ELOVL2: variants seen among roughly 807,000 people sequenced by gnomAD.
ELOVL2 encodes very long chain fatty acid elongase 2.
A neutral mutation model predicts 37.7 loss-of-function variants in ELOVL2; 38 were observed. That is an observed-to-expected ratio of 1.01 (90% CI 0.78 to 1.32). The LOEUF is 1.32. Among genes scored for constraint, ELOVL2 ranks in the 40% most tolerant of loss-of-function variants. The probability of loss-of-function intolerance (pLI) is 0.00; values close to 1 mark genes in which losing one functional copy is unlikely to be tolerated. For synonymous variants in ELOVL2, 115 were observed against 122.3 expected (o/e 0.94, Z 0.40); for missense variants, 352 against 363.6 (o/e 0.97, Z 0.26).
intron 5 of ELOVL2, among the ~76,000 whole-genome samples, chr6:10,993,648 G>C (rs1782205693): frequency 6.6e-6 from 1 of 152,014 alleles, no homozygotes; most frequent in Non-Finnish European, 1.5e-5. Flanking sequence ...AGAGTATATT[G>C]CTTTGGTTGA....
At chr6:11,023,977 T>C (rs985126158) in intron 1 of ELOVL2, among the ~76,000 whole-genome samples, 1 of 152,196 alleles carries the variant, frequency 6.6e-6, no homozygotes, top group Non-Finnish European at 1.5e-5. Flanking sequence ...AGTTTAAGCA[T>C]CTTCTAGGAT....
intron 1 of ELOVL2, among the ~76,000 whole-genome samples, chr6:11,018,578 C>T (rs943386218): frequency 5.9e-5 from 9 of 152,190 alleles, no homozygotes; most frequent in African/African-American, 1.2e-4. Flanking sequence ...ATCTTGTTAA[C>T]TTACAGGTTC....
intron 1 of ELOVL2, among the ~76,000 whole-genome samples, chr6:11,011,986 G>C (rs553108314): frequency 2.0e-5 from 3 of 152,266 alleles, no homozygotes; most frequent in African/African-American, 7.2e-5. Flanking sequence ...ATTAGATTCA[G>C]CTCACTCTCA....
At chr6:11,038,580 A>T (rs1783051358) in intron 1 of ELOVL2, among the ~76,000 whole-genome samples, 1 of 152,188 alleles carries the variant, frequency 6.6e-6, no homozygotes, top group Non-Finnish European at 1.5e-5. Context: ...TTTTAATTTC[A>T]GCAAGAACTT....
At chr6:11,009,696 G>A (rs62395433) in intron 2 of ELOVL2, among the ~76,000 whole-genome samples, 147 of 152,230 alleles carry the variant, frequency 9.7e-4, no homozygotes, top group Admixed American at 2.2e-3. Flanking sequence ...AAGCCAGTGA[G>A]GACGACGGAT....
chr6:10,986,991 G>A (rs2113465705), intron 7 of ELOVL2, among the ~76,000 whole-genome samples: 1 of 152,216 alleles, frequency 6.6e-6, no homozygotes, highest in Admixed American at 6.5e-5. Flanking sequence ...GACTCTTTTT[G>A]GTTGGTAAGC....
At chr6:11,009,345 T>C (rs1038640624) in intron 2 of ELOVL2, among the ~76,000 whole-genome samples, 1 of 152,216 alleles carries the variant, frequency 6.6e-6, no homozygotes, top group African/African-American at 2.4e-5. Context: ...TAGTAAGAGA[T>C]TATAACAATA....
intron 4 of ELOVL2, among the ~76,000 whole-genome samples, chr6:10,997,413 C>T (rs897862104): frequency 6.6e-6 from 1 of 152,036 alleles, no homozygotes; most frequent in South Asian, 2.1e-4. Flanking sequence ...TCAAAAATGT[C>T]GTTGTTTTCC....
At chr6:10,987,496 A>G (rs1031450633) in intron 7 of ELOVL2, among the ~76,000 whole-genome samples, 4 of 152,122 alleles carry the variant, frequency 2.6e-5, no homozygotes, top group African/African-American at 9.7e-5. Flanking sequence ...AGTACTATAA[A>G]TTTCCCTCTA....
At chr6:10,989,949 T>C in intron 6 of ELOVL2, 112 bp from the exon 7 acceptor site, 1 of 1,295,146 alleles carries the variant, frequency 7.7e-7, no homozygotes, top group Non-Finnish European at 1.1e-6. Flanking sequence ...TGGAATTATG[T>C]AGGAACAAAA....
At chr6:11,029,078 A>G (rs1035315790) in intron 1 of ELOVL2, among the ~76,000 whole-genome samples, 4 of 150,740 alleles carry the variant, frequency 2.7e-5, no homozygotes, top group African/African-American at 9.7e-5. Flanking sequence ...AAAAAAAAAA[A>G]AAAGCTGGGA....
intron 1 of ELOVL2, among the ~76,000 whole-genome samples, chr6:11,020,378 AAGAGT>A (rs775300862): frequency 6.6e-6 from 1 of 152,262 alleles, no homozygotes; most frequent in Non-Finnish European, 1.5e-5. Context: ...GATTAGCGAT[AAGAGT>A]AATCAACCCA....
At chr6:11,024,752 TAC>T (rs1189016437) in intron 1 of ELOVL2, among the ~76,000 whole-genome samples, 1 of 152,214 alleles carries the variant, frequency 6.6e-6, no homozygotes, top group Non-Finnish European at 1.5e-5. Flanking sequence ...ATGAAATTAT[TAC>T]AGATTCTGAA....
Position 11,044,262 on chromosome 6 carries a change from G to A in ELOVL2, c.-32C>T, listed in dbSNP as rs774351394. 2.3e-6 allele frequency: 3 copies of A among 1,326,286 alleles called. No individual in the cohort carries two copies. The highest frequency in any genetic ancestry group is 3.1e-5 in the African/African-American group (2 of 65,026). The allele number at this position is 1,326,286 out of a possible 1,614,324, so 82.2% of individuals were successfully genotyped here. ...CAGCGGCTGTGGCGCGGCGACCCGGGCGGGCGGCGATGCGCTGTCCAGGGT... is the reference window on the plus strand; with the variant it reads ...CAGCGGCTGTGGCGCGGCGACCCGGACGGGCGGCGATGCGCTGTCCAGGGT... On this transcript the variant is annotated 5_prime_UTR_variant, in exon 1 of 8. Coordinates refer to ENST00000354666, the MANE Select transcript of ELOVL2 (RefSeq NM_017770.4). The surrounding 1 kb of genome is among the most constrained non-coding windows in gnomAD (Gnocchi z 5.6).
chr6:10,997,741 A>G (rs538051232), intron 4 of ELOVL2, among the ~76,000 whole-genome samples: 11 of 152,182 alleles, frequency 7.2e-5, no homozygotes, highest in East Asian at 1.9e-4. Flanking sequence ...GGTTCTGTCT[A>G]CTTCCTACTG....
chr6:11,035,732 C>T (rs1172843473), intron 1 of ELOVL2, among the ~76,000 whole-genome samples: 1 of 152,172 alleles, frequency 6.6e-6, no homozygotes, highest in Non-Finnish European at 1.5e-5. Context: ...CACGGAGGCA[C>T]ATTTACTGGA....
In ELOVL2 at chr6:10,980,943, T is replaced by C. The variant is rs908011760; in HGVS notation, c.*2838A>G. On this transcript the variant is annotated 3_prime_UTR_variant, in exon 8 of 8. Transcript: ENST00000354666. Reference sequence around the variant, plus strand: ...CCAAACAAGGAAGCCCCCAGACACATTTATGAACGATATGGAAATATTGGA... The same window carrying C: ...CCAAACAAGGAAGCCCCCAGACACACTTATGAACGATATGGAAATATTGGA... 1.3e-5 allele frequency: 2 copies of C among 152,530 alleles called. No homozygotes were observed. Among genetic ancestry groups the C allele is most frequent in the African/African-American group, 4.8e-5 (2 of 41,432 alleles). The allele number at this position is 152,530 out of a possible 1,614,324, so 9.4% of individuals were successfully genotyped here.
intron 1 of ELOVL2, among the ~76,000 whole-genome samples, chr6:11,012,855 A>G (rs1324316432): frequency 6.6e-6 from 1 of 152,240 alleles, no homozygotes; most frequent in African/African-American, 2.4e-5. Context: ...CCTTATCGTC[A>G]CAGAGTTCTT....
chr6:10,990,035 A>G (rs1367104603), intron 6 of ELOVL2, among the ~76,000 whole-genome samples, 198 bp from the exon 7 acceptor site: 3 of 152,330 alleles, frequency 2.0e-5, no homozygotes, highest in African/African-American at 7.2e-5. Context: ...TGATTTCCTC[A>G]TGGAAAAGTC....
Sources: allele counts gnomAD v4.1 joint callset (sites outside exome capture counted in the v4.1 genomes callset), GRCh38; gene constraint gnomAD v4.1.1; non-coding constraint Gnocchi (gnomAD v3.1); transcripts MANE v1.5; gene names NCBI Gene and HGNC (gene_info 2026-07-23, HGNC 2026-07-21).